Variants in ARIH1 observed in about 807,000 individuals in gnomAD.
ARIH1 encodes ariadne RBR E3 ubiquitin protein ligase 1.
A neutral mutation model predicts 85.0 loss-of-function variants in ARIH1; 8 were observed. The ratio of observed to expected loss-of-function variants is 0.09; its 90% CI spans 0.06 to 0.17. The LOEUF is 0.17. Ranked by LOEUF, ARIH1 falls within the 10% of genes least tolerant of loss-of-function variation. ARIH1 has a pLI of 1.00. For missense variants in ARIH1, 311 were observed against 718.1 expected, an observed-to-expected ratio of 0.43 and a Z score of 6.48; for synonymous variants, 238 against 253.6, an observed-to-expected ratio of 0.94 and a Z score of 0.59.
intron 5 of ARIH1, among the ~76,000 whole-genome samples, chr15:72,557,363 G>A (rs950845013): frequency 7.2e-5 from 11 of 151,934 alleles, no homozygotes; most frequent in African/African-American, 2.7e-4. Flanking sequence ...TGGCTACTTC[G>A]TTGACAAAGC....
At position 72,580,826 on chromosome 15, in the gene ARIH1, G is replaced by T. The variant is rs755559379; in HGVS notation, c.1311G>T (p.Gln437His). ...SLRFEHKLYA[Q>H]VKQKMEEMQQ... Reference sequence around the variant, plus strand: ...GCTTTGAGCACAAACTATATGCTCAGGTGAAACAGAAAATGGAGGAGATGC... The same window carrying T: ...GCTTTGAGCACAAACTATATGCTCATGTGAAACAGAAAATGGAGGAGATGC... Residue 437 changes from glutamine (Q) to histidine (H), a missense_variant, in exon 12 of 14, where the codon CAG becomes CAT. Physicochemically the swap from Gln to His is conservative, Grantham distance 24. This residue lies in a region of ARIH1 where 50 missense variants were observed against 311.7 expected (regional missense o/e 0.16). Coordinates refer to ENST00000379887, the MANE Select transcript of ARIH1 (RefSeq NM_005744.5). 2 of 1,614,040 alleles carry T rather than the reference G, an allele frequency of 1.2e-6. No individual in the cohort carries two copies. The highest frequency in any genetic ancestry group is 1.7e-6 in the Non-Finnish European group (2 of 1,180,010).
chr15:72,572,480 C>CTG (rs2064253225), intron 11 of ARIH1: 1 of 186,082 alleles, frequency 5.4e-6, no homozygotes, highest in African/African-American at 2.3e-5. Context: ...TCCCAAAGTG[C>CTG]TGGGATTACA....
At chr15:72,510,315 C>G (rs1036770609) in intron 1 of ARIH1, among the ~76,000 whole-genome samples, 1 of 152,058 alleles carries the variant, frequency 6.6e-6, no homozygotes, top group Admixed American at 6.6e-5. Context: ...TCCGTTTTCT[C>G]TAATGGATTG....
intron 2 of ARIH1, among the ~76,000 whole-genome samples, chr15:72,540,258 C>CAAAAAA (rs10615863): frequency 1.2e-5 from 1 of 81,360 alleles, no homozygotes; most frequent in African/African-American, 4.6e-5. Flanking sequence ...GACTTTGTCT[C>CAAAAAA]AAAAAAAAAA....
chr15:72,509,407 C>T (rs955553706), intron 1 of ARIH1, among the ~76,000 whole-genome samples: 2 of 152,140 alleles, frequency 1.3e-5, no homozygotes, highest in Admixed American at 1.3e-4. Context: ...ATACAGTTCT[C>T]TGAGTTTTGA....
chr15:72,548,067 A>G (rs1171363524), intron 3 of ARIH1, among the ~76,000 whole-genome samples: 2 of 152,264 alleles, frequency 1.3e-5, no homozygotes, highest in South Asian at 4.1e-4. Context: ...TGGAGAATAA[A>G]TACATAATTC....
chr15:72,508,977 A>C (rs1232698504), intron 1 of ARIH1, among the ~76,000 whole-genome samples: 2 of 149,348 alleles, frequency 1.3e-5, no homozygotes, highest in East Asian at 3.9e-4. Flanking sequence ...TACAGGTGTG[A>C]GCCACTGTGC....
Position 72,572,126 on chromosome 15 carries a change from T to C in ARIH1, c.1176T>C (p.Tyr392=). The C allele has an allele frequency of 1.9e-6, 3 of 1,609,972 alleles. No individual in the cohort carries two copies. Among genetic ancestry groups the C allele is most frequent in the Non-Finnish European group, 2.5e-6 (3 of 1,176,914 alleles). The change falls in exon 11 of 14, where the codon TAT becomes TAC. Residue 392 remains tyrosine, a synonymous_variant. Coordinates refer to ENST00000379887, the MANE Select transcript of ARIH1 (RefSeq NM_005744.5). ...CTTGAAGGTACAACTGTAACCGCTA[T>C]AATGAGGATGATGCAAAGGCAGCAA... is the stretch of plus-strand genomic sequence containing the variant. ...HGSAWYNCNR[Y]NEDDAKAARD...
At position 72,514,429 on chromosome 15, in the gene ARIH1, G is replaced by A. The variant is rs150302805; in HGVS notation, c.376-3638G>A. 5.3e-5 allele frequency among the ~76,000 whole-genome samples: 8 copies of A among 152,116 alleles called. No homozygotes were observed. The East Asian group carries it at 1.5e-3, about 29-fold the overall frequency. On this transcript the variant is annotated intron_variant, in intron 1 of 13. Transcript: ENST00000379887. ...AAATAGTAAACTCTTTCTTTTTTGA[G>A]AATTTCAGACCGGGCTCTGTAATCC... is the stretch of plus-strand genomic sequence containing the variant.
chr15:72,587,167 G>C lies in ARIH1; in HGVS notation c.*3875G>C, dbSNP rs2064320556. 2.0e-6 allele frequency: 1 copy of C among 488,846 alleles called. No homozygotes were observed. Among genetic ancestry groups the C allele is most frequent in the Admixed American group, 2.2e-5 (1 of 45,470 alleles). 30.3% of individuals were successfully genotyped at this position (488,846 alleles called of 1,614,324 possible). A position where few individuals can be genotyped will look rare whatever the true frequency, so the allele number is the denominator to read the frequency against. ...ATTTTTTATAAAGGAGGAAGATAAG[G>C]CTCACTGAGGTTAAATAACTCCCTC... On this transcript the variant is annotated 3_prime_UTR_variant, in exon 14 of 14. Transcript: ENST00000379887.
In ARIH1 at chr15:72,536,414, T is replaced by A. The variant is rs563084585; in HGVS notation, c.444-8406T>A. On this transcript the variant is annotated intron_variant, in intron 2 of 13. Transcript: ENST00000379887. ...ACATAGCCTTTTTTTTCTTTTGAAATTTTATTTACCTGCATAGTTTTACAT... is the reference window on the plus strand; with the variant it reads ...ACATAGCCTTTTTTTTCTTTTGAAAATTTATTTACCTGCATAGTTTTACAT... Among the ~76,000 whole-genome samples, 64 of 152,282 alleles carry A rather than the reference T, an allele frequency of 4.2e-4. No homozygotes were observed. The South Asian group carries it at 0.013, about 32-fold the overall frequency.
chr15:72,545,103 G>A (rs2064123209), intron 3 of ARIH1, 139 bp downstream of exon 3: 1 of 732,842 alleles, frequency 1.4e-6, no homozygotes, highest in Non-Finnish European at 1.9e-6. Context: ...TATTCAGTGT[G>A]AGGAAAGGAA....
At chr15:72,477,331 G>A (rs1051859924) in intron 1 of ARIH1, among the ~76,000 whole-genome samples, 2 of 152,168 alleles carry the variant, frequency 1.3e-5, no homozygotes, top group African/African-American at 4.8e-5. Context: ...GTTGGAAATA[G>A]CAGTTATCTA....
rs2064302356 is a variant in ARIH1 at position 72,583,385 on chromosome 15, GC to G, written c.*95del. ...ACAAACACAAACAAGGAGGCACTAA[GC>G]CTATTCTGACACCACTGGTCTGTAG... On this transcript the variant is annotated 3_prime_UTR_variant, in exon 14 of 14. Transcript: ENST00000379887. 1.5e-5 allele frequency: 15 copies of G among 994,112 alleles called. No individual in the cohort carries two copies. Among genetic ancestry groups the G allele is most frequent in the Non-Finnish European group, 2.3e-5 (15 of 647,446 alleles). 61.6% of individuals were successfully genotyped at this position (994,112 alleles called of 1,614,324 possible). A position where few individuals can be genotyped will look rare whatever the true frequency, so the allele number is the denominator to read the frequency against.
At chr15:72,539,956 G>T (rs2064099252) in intron 2 of ARIH1, among the ~76,000 whole-genome samples, 1 of 152,028 alleles carries the variant, frequency 6.6e-6, no homozygotes, top group Non-Finnish European at 1.5e-5. Context: ...TGAAAGAAAG[G>T]CTACATGATA....
Position 72,578,832 on chromosome 15 carries a change from T to TTC in ARIH1, c.1216-1899_1216-1898insTC, listed in dbSNP as rs1555489920. Among the ~76,000 whole-genome samples, 444 of 150,944 alleles carry TTC rather than the reference T, an allele frequency of 2.9e-3. 4 individuals are homozygous for TTC. In the Middle Eastern group the frequency reaches 0.041, roughly 14 times the overall value. ...TTTTTTGGTGTTTTGTTTTTTTTTT[T>TTC]CAGAGGTAGAGTCTCGTTCTCTCCC... On this transcript the variant is annotated intron_variant, in intron 11 of 13. Transcript: ENST00000379887.
chr15:72,537,369 G>A (rs1040372266), intron 2 of ARIH1, among the ~76,000 whole-genome samples: 1 of 152,080 alleles, frequency 6.6e-6, no homozygotes, highest in Admixed American at 6.6e-5. Flanking sequence ...TTTTATCAAA[G>A]TAACACAATC....
intron 1 of ARIH1, among the ~76,000 whole-genome samples, chr15:72,480,771 G>T (rs1238526206): frequency 6.6e-6 from 1 of 152,098 alleles, no homozygotes; most frequent in Non-Finnish European, 1.5e-5. Flanking sequence ...CTCCATGTTG[G>T]TCAGGCTGGT....
intron 5 of ARIH1, among the ~76,000 whole-genome samples, chr15:72,558,035 T>G (rs772374085): frequency 6.6e-6 from 1 of 152,196 alleles, no homozygotes; most frequent in Non-Finnish European, 1.5e-5. Context: ...ATTTTATTTC[T>G]TTCTCTTGCC....
Sources: allele counts gnomAD v4.1 joint callset (sites outside exome capture counted in the v4.1 genomes callset), GRCh38; gene constraint gnomAD v4.1.1; regional missense constraint gnomAD v4.1.1; transcripts MANE v1.5; gene names NCBI Gene and HGNC (gene_info 2026-07-23, HGNC 2026-07-21).